The following FOLH1 variants were observed in gnomAD, a reference collection of about 807,000 sequenced individuals.
FOLH1 encodes the protein glutamate carboxypeptidase 2.
A neutral mutation model predicts 93.9 loss-of-function variants in FOLH1; 54 were observed. That is an observed-to-expected ratio of 0.57 (90% CI 0.46 to 0.72). The LOEUF is 0.72. Among genes scored for constraint, FOLH1 ranks in the 30% least tolerant of loss-of-function variants. The pLI, the probability that FOLH1 is intolerant of heterozygous loss-of-function variation, is 0.00. For missense variants in FOLH1, 571 were observed against 892.5 expected, an observed-to-expected ratio of 0.64 and a Z score of 4.59; for synonymous variants, 249 against 303.6, an observed-to-expected ratio of 0.82 and a Z score of 1.87.
intron 1 of FOLH1, 47 bp downstream of exon 1, chr11:49,208,245 C>G (rs1477478247): frequency 7.5e-7 from 1 of 1,332,578 alleles, no homozygotes. Context: ...AGCACCGCGG[C>G]ACCACGGGGA....
intron 13 of FOLH1, among the ~76,000 whole-genome samples, chr11:49,159,444 C>T (rs1311557928): frequency 6.6e-6 from 1 of 152,112 alleles, no homozygotes; most frequent in Non-Finnish European, 1.5e-5. Flanking sequence ...TATTGATTTG[C>T]ATATGTTGAA....
intron 11 of FOLH1, among the ~76,000 whole-genome samples, chr11:49,169,551 T>C (rs907299325): frequency 2.0e-5 from 3 of 152,228 alleles, no homozygotes; most frequent in Non-Finnish European, 4.4e-5. Context: ...GTAGTTTATC[T>C]TTCAAAAAGT....
At chr11:49,150,843 C>T (rs1399138794) in intron 17 of FOLH1, among the ~76,000 whole-genome samples, 2 of 152,132 alleles carry the variant, frequency 1.3e-5, no homozygotes, top group Non-Finnish European at 2.9e-5. Context: ...AAAATCATTA[C>T]AATAAGAAAG....
intron 13 of FOLH1, among the ~76,000 whole-genome samples, chr11:49,161,145 A>T (rs1347041093): frequency 1.3e-5 from 2 of 152,146 alleles, no homozygotes; most frequent in Non-Finnish European, 2.9e-5. Flanking sequence ...TATCAGGTCC[A>T]TTTGATCCAG....
At chr11:49,183,300 C>T in intron 6 of FOLH1, 58 bp from the exon 7 acceptor site, 1 of 1,278,788 alleles carries the variant, frequency 7.8e-7, no homozygotes, top group South Asian at 1.3e-5. Context: ...AAACGGTTCT[C>T]TATAAATCAC....
intron 13 of FOLH1, among the ~76,000 whole-genome samples, chr11:49,163,576 C>T (rs1021689352): frequency 6.7e-6 from 1 of 149,646 alleles, no homozygotes; most frequent in African/African-American, 2.5e-5. Context: ...GAAATCCAAG[C>T]CAGTGGGTCT....
intron 11 of FOLH1, among the ~76,000 whole-genome samples, chr11:49,170,169 C>T (rs1463060240): frequency 6.6e-6 from 1 of 152,066 alleles, no homozygotes; most frequent in Non-Finnish European, 1.5e-5. Context: ...TACTTTATAG[C>T]TAACGTTTCT....
chr11:49,176,019 T>C, intron 7 of FOLH1, 62 bp from the exon 8 acceptor site: 1 of 1,441,216 alleles, frequency 6.9e-7, no homozygotes, highest in Non-Finnish European at 9.7e-7. Context: ...CATTAAAATG[T>C]TAATGGATTC....
chr11:49,204,976 C>T (rs1463307428), intron 2 of FOLH1, among the ~76,000 whole-genome samples: 4 of 151,948 alleles, frequency 2.6e-5, no homozygotes, highest in Admixed American at 2.0e-4. Context: ...TTTGGGAAGC[C>T]GAGGCGGGCA....
intron 3 of FOLH1, among the ~76,000 whole-genome samples, chr11:49,196,929 A>T (rs755038145): frequency 6.6e-6 from 1 of 152,052 alleles, no homozygotes; most frequent in Non-Finnish European, 1.5e-5. Flanking sequence ...TGAGGAGGGG[A>T]TCTGGGCAGA....
intron 2 of FOLH1, among the ~76,000 whole-genome samples, chr11:49,203,340 A>C (rs1863489290): frequency 6.6e-6 from 1 of 152,212 alleles, no homozygotes; most frequent in Non-Finnish European, 1.5e-5. Context: ...CCTGTACATC[A>C]AGGCAGAGTG....
At chr11:49,168,021 A>G (rs1195950154) in intron 12 of FOLH1, among the ~76,000 whole-genome samples, 1 of 148,496 alleles carries the variant, frequency 6.7e-6, no homozygotes, top group East Asian at 2.0e-4. Flanking sequence ...ATTCTAAAAA[A>G]TTCCCCCTTC....
chr11:49,203,967 A>G (rs1314819667), intron 2 of FOLH1, among the ~76,000 whole-genome samples: 1 of 152,224 alleles, frequency 6.6e-6, no homozygotes. Flanking sequence ...AACTGAATGC[A>G]GACTCCAGGG....
rs538924969 is a variant in FOLH1 at position 49,191,179 on chromosome 11, T to A, written c.513+1614A>T. ...GGCGCCCGCCACCACTCCCGGCTAA[T>A]TTTTTTGCATGTTTAGTAGAGACAG... On this transcript the variant is annotated intron_variant, in intron 4 of 18. Transcript: ENST00000256999. Among the ~76,000 whole-genome samples, 3 of 152,226 alleles carry A rather than the reference T, an allele frequency of 2.0e-5. No homozygotes were observed. In the South Asian group the frequency reaches 6.2e-4, roughly 32 times the overall value.
chr11:49,165,810 G>T (rs145659505), intron 12 of FOLH1, among the ~76,000 whole-genome samples: 2,206 of 152,232 alleles, frequency 0.014, 31 homozygotes, highest in South Asian at 0.026. Flanking sequence ...GGAACTTAAA[G>T]ATTTGATTTT....
chr11:49,198,718 C>T (rs1355474606), intron 3 of FOLH1, among the ~76,000 whole-genome samples: 1 of 151,450 alleles, frequency 6.6e-6, no homozygotes, highest in African/African-American at 2.4e-5. Flanking sequence ...GACTATATGA[C>T]GTGTAGTGGT....
rs535155505 is a variant in FOLH1 at position 49,153,902 on chromosome 11, A to G, written c.1914T>C (p.Asn638=). The G allele has an allele frequency of 1.2e-6, 2 of 1,603,268 alleles. No homozygotes were observed. The highest frequency in any genetic ancestry group is 2.2e-5 in the East Asian group (1 of 44,752). The change falls in exon 17 of 19, where the codon AAT becomes AAC. Residue 638 remains asparagine, a synonymous_variant. Coordinates refer to ENST00000256999, the MANE Select transcript of FOLH1 (RefSeq NM_004476.3). ...SFDSLFSAVK[N]FTEIASKFSE... is the part of the protein sequence containing the mutation. ...TGAACTTGGAAGCAATTTCTGTAAA[A>G]TTCTTTACTGCAGAAAAAAGTGAAT...
chr11:49,195,841 A>G (rs1334430394), intron 3 of FOLH1, among the ~76,000 whole-genome samples: 1 of 152,214 alleles, frequency 6.6e-6, no homozygotes, highest in African/African-American at 2.4e-5. Flanking sequence ...AAACTTATGA[A>G]AACTGACATA....
intron 17 of FOLH1, among the ~76,000 whole-genome samples, 180 bp from the exon 18 acceptor site, chr11:49,148,911 G>A (rs1856100346): frequency 6.6e-6 from 1 of 152,112 alleles, no homozygotes; most frequent in African/African-American, 2.4e-5. Flanking sequence ...GTGAAAAGTC[G>A]GCCCTCCTCC....
Sources: allele counts gnomAD v4.1 joint callset (sites outside exome capture counted in the v4.1 genomes callset), GRCh38; gene constraint gnomAD v4.1.1; transcripts MANE v1.5; gene names NCBI Gene and HGNC (gene_info 2026-07-23, HGNC 2026-07-21).